The following TPX2 variants were observed in gnomAD, a reference collection of about 807,000 sequenced individuals.
TPX2 encodes the protein TPX2 microtubule nucleation factor.
A neutral mutation model predicts 93.6 loss-of-function variants in TPX2; 21 were observed. That is an observed-to-expected ratio of 0.22 (90% CI 0.16 to 0.32). The LOEUF is 0.32. Ranked by LOEUF, TPX2 falls within the 10% of genes least tolerant of loss-of-function variation. The pLI, the probability that TPX2 is intolerant of heterozygous loss-of-function variation, is 1.00. For synonymous variants in TPX2, 281 were observed against 298.3 expected, an observed-to-expected ratio of 0.94 and a Z score of 0.60; for missense variants, 776 against 871.1, an observed-to-expected ratio of 0.89 and a Z score of 1.37.
At chr20:31,758,165 C>T (rs373360906) in intron 3 of TPX2, among the ~76,000 whole-genome samples, 9 of 149,186 alleles carry the variant, frequency 6.0e-5, no homozygotes, top group East Asian at 5.8e-4. Context: ...CTCTGTTGCC[C>T]AGGCTGGAGT....
chr20:31,760,834 G>A (rs910033405), intron 4 of TPX2, among the ~76,000 whole-genome samples: 1 of 152,126 alleles, frequency 6.6e-6, no homozygotes, highest in Non-Finnish European at 1.5e-5. Context: ...ATGATGGATC[G>A]CTTCTCGGCC....
At chr20:31,796,029 C>T (rs542159993) in intron 15 of TPX2, among the ~76,000 whole-genome samples, 10 of 152,272 alleles carry the variant, frequency 6.6e-5, no homozygotes, top group Admixed American at 3.9e-4. Flanking sequence ...AACCTTAGGA[C>T]TGTTGCCTTG....
chr20:31,790,894 T>C (rs1482961439), intron 12 of TPX2, among the ~76,000 whole-genome samples: 1 of 152,030 alleles, frequency 6.6e-6, no homozygotes, highest in Non-Finnish European at 1.5e-5. Flanking sequence ...CCATATACAA[T>C]GGGATAAAGG....
At chr20:31,790,410 A>G (rs977582986) in intron 12 of TPX2, among the ~76,000 whole-genome samples, 10 of 152,208 alleles carry the variant, frequency 6.6e-5, no homozygotes, top group Non-Finnish European at 1.3e-4. Flanking sequence ...CAGGATGACA[A>G]ATCTTCACGT....
chr20:31,752,057 A>G (rs1011614101), intron 2 of TPX2, among the ~76,000 whole-genome samples: 17 of 152,002 alleles, frequency 1.1e-4, no homozygotes, highest in Admixed American at 9.8e-4. Context: ...TTTTTTTAGT[A>G]TAAGAAGTCT....
chr20:31,741,317 G>GT (rs966215046), intron 1 of TPX2, among the ~76,000 whole-genome samples: 3,662 of 140,710 alleles, frequency 0.026, 137 homozygotes, highest in African/African-American at 0.082. Context: ...TTTTGTTTTT[G>GT]TTTTTTTTTT....
intron 2 of TPX2, among the ~76,000 whole-genome samples, chr20:31,744,041 A>G (rs1402515473): frequency 6.6e-6 from 1 of 151,330 alleles, no homozygotes; most frequent in Non-Finnish European, 1.5e-5. Context: ...TTTTCCCCCA[A>G]ATATTTTTGA....
chr20:31,788,246 G>T (rs768681717), intron 12 of TPX2, among the ~76,000 whole-genome samples: 6 of 151,856 alleles, frequency 4.0e-5, no homozygotes, highest in Non-Finnish European at 7.4e-5. Context: ...GTGAAACCCT[G>T]TCTCTACTAA....
chr20:31,782,108 C>G, intron 10 of TPX2, 141 bp from the exon 11 acceptor site: 1 of 1,090,652 alleles, frequency 9.2e-7, no homozygotes, highest in East Asian at 2.7e-5. Flanking sequence ...GTTGGTTTGA[C>G]CAATGTAAGC....
intron 11 of TPX2, among the ~76,000 whole-genome samples, chr20:31,782,625 C>T (rs1386989504): frequency 6.6e-6 from 1 of 152,036 alleles, no homozygotes; most frequent in African/African-American, 2.4e-5. Context: ...TGGTGGTTCA[C>T]ACCTGTAATC....
At chr20:31,758,363 A>G (rs945537444) in intron 3 of TPX2, among the ~76,000 whole-genome samples, 4 of 151,776 alleles carry the variant, frequency 2.6e-5, no homozygotes, top group African/African-American at 9.7e-5. Context: ...CAGGTGATCC[A>G]CCCACCTCAG....
intron 3 of TPX2, among the ~76,000 whole-genome samples, chr20:31,759,010 T>G (rs1241337740): frequency 6.6e-6 from 1 of 152,218 alleles, no homozygotes; most frequent in Non-Finnish European, 1.5e-5. Flanking sequence ...TTTTTATTTT[T>G]TTTTCTTTTT....
intron 15 of TPX2, 126 bp downstream of exon 15, chr20:31,794,674 A>T (rs1485275001): frequency 1.1e-5 from 13 of 1,211,252 alleles, no homozygotes; most frequent in Non-Finnish European, 1.5e-5. Flanking sequence ...ACTGTAAATC[A>T]GGGGTCAGCA....
intron 3 of TPX2, among the ~76,000 whole-genome samples, chr20:31,759,633 C>A (rs937184601): frequency 6.6e-6 from 1 of 152,078 alleles, no homozygotes; most frequent in Non-Finnish European, 1.5e-5. Context: ...CTCCTGACCT[C>A]ATGACCCACC....
In TPX2 at chr20:31,782,437, T is replaced by C. The variant is rs905916405; in HGVS notation, c.1196+47T>C. The C allele has an allele frequency of 1.9e-6, 3 of 1,556,026 alleles. No homozygotes were observed. The African/African-American group carries it at 4.1e-5, about 21-fold the overall frequency. On this transcript the variant is annotated intron_variant, in intron 11 of 17. Coordinates refer to ENST00000300403, the MANE Select transcript of TPX2 (RefSeq NM_012112.5). ...TGAGGAAGAGTTCCACGAACCTGCC[T>C]ACTTTATTTTCAGTTCTGTTAGGGT...
intron 2 of TPX2, among the ~76,000 whole-genome samples, chr20:31,754,007 C>A (rs2061836252): frequency 6.6e-6 from 1 of 152,064 alleles, no homozygotes. Flanking sequence ...GCCTGGGCGA[C>A]AGAGCAAGAC....
chr20:31,785,395 C>T (rs1388514266), intron 12 of TPX2, among the ~76,000 whole-genome samples: 1 of 151,980 alleles, frequency 6.6e-6, no homozygotes, highest in Admixed American at 6.6e-5. Context: ...CAGAAGGGCT[C>T]AACGTTTAGT....
intron 2 of TPX2, among the ~76,000 whole-genome samples, chr20:31,755,555 G>A (rs577172746): frequency 1.3e-5 from 2 of 151,440 alleles, no homozygotes; most frequent in South Asian, 4.2e-4. Context: ...CTTGAGGTCA[G>A]GAGTTTGAGA....
Position 31,783,711 on chromosome 20 carries a change from A to G in TPX2, c.1203A>G (p.Lys401=), listed in dbSNP as rs770798405. Residue 401 remains lysine (K), a synonymous_variant, in exon 12 of 18, where the codon AAA becomes AAG. Transcript: ENST00000300403. ...AEELEKLQQY[K]FKARELDPRI... ...TTAAATTTTCACCTTACAGATACAA[A>G]TTCAAAGCACGTGAACTTGATCCCA... 1.4e-5 allele frequency: 23 copies of G among 1,592,134 alleles called. No individual in the cohort carries two copies. Among genetic ancestry groups the G allele is most frequent in the Non-Finnish European group, 2.0e-5 (23 of 1,175,228 alleles).
Sources: gnomAD v4.1 joint callset for allele counts (sites outside exome capture counted in the v4.1 genomes callset) on GRCh38, gnomAD v4.1.1 for gene constraint, MANE v1.5 for transcripts, NCBI Gene and HGNC (gene_info 2026-07-23, HGNC 2026-07-21) for gene names.